ATRNL1: variants seen among roughly 807,000 people sequenced by gnomAD.
The protein encoded by ATRNL1 is attractin like 1.
Under a neutral mutation model 182.7 loss-of-function variants are expected in ATRNL1, and 95 were observed. The observed-to-expected ratio is 0.52, with a 90% CI of 0.44 to 0.62. ATRNL1 has a LOEUF of 0.62. ATRNL1 is among the 20% of genes least tolerant of loss of function. The pLI, the probability that ATRNL1 is intolerant of heterozygous loss-of-function variation, is 0.00. For missense variants in ATRNL1, 1,471 were observed against 1,679.5 expected (o/e 0.88, Z 2.17); for synonymous variants, 576 against 568.3 (o/e 1.01, Z -0.19).
In ATRNL1 at chr10:115,630,827, TACACACACACACACACAC is replaced by T. The variant is rs199640218; in HGVS notation, c.3795+81321_3795+81338del. Among the ~76,000 whole-genome samples, 120 of 129,840 alleles carry T rather than the reference TACACACACACACACACAC, an allele frequency of 9.2e-4. 1 individual carries two copies. Among genetic ancestry groups the T allele is most frequent in the Admixed American group, 2.8e-3 (35 of 12,388 alleles). 85.2% of individuals were successfully genotyped at this position (129,840 alleles called of 152,430 possible). On this transcript the variant is annotated intron_variant, in intron 26 of 28. Coordinates refer to ENST00000355044, the MANE Select transcript of ATRNL1 (RefSeq NM_207303.4). ...TAATAGATATATAATATATGTATTA[TACACACACACACACACAC>T]ACACACACACACACACACACACACA...
chr10:115,254,456 G>A (rs1554906215), intron 10 of ATRNL1, among the ~76,000 whole-genome samples: 2 of 151,658 alleles, frequency 1.3e-5, no homozygotes, highest in African/African-American at 4.9e-5. Flanking sequence ...GTCTGTTCAT[G>A]TCCTTTGCCC....
Position 115,403,010 on chromosome 10 carries a change from C to G in ATRNL1, c.3269+8258C>G, listed in dbSNP as rs544729328. ...ATCTTCCTGAACATTTTTTTTCCTC[C>G]TTGGCTTACCTTTAGGCCAGTAATA... On this transcript the variant is annotated intron_variant, in intron 20 of 28. Coordinates refer to ENST00000355044, the MANE Select transcript of ATRNL1 (RefSeq NM_207303.4). Among the ~76,000 whole-genome samples the G allele has an allele frequency of 1.9e-4, 29 of 152,170 alleles. No individual in the cohort carries two copies. In the South Asian group the frequency reaches 3.7e-3, roughly 20 times the overall value.
At chr10:115,225,217 T>C (rs976477667) in intron 9 of ATRNL1, among the ~76,000 whole-genome samples, 4 of 151,816 alleles carry the variant, frequency 2.6e-5, no homozygotes, top group Admixed American at 6.6e-5. Context: ...GAAGTAATGG[T>C]CTATAATCTT....
chr10:115,212,034 T>A (rs1462821543), intron 8 of ATRNL1, among the ~76,000 whole-genome samples: 1 of 151,852 alleles, frequency 6.6e-6, no homozygotes, highest in East Asian at 1.9e-4. Context: ...TAATTTTAAC[T>A]TTTATTTTAG....
At chr10:115,252,926 C>G (rs1191496009) in intron 10 of ATRNL1, among the ~76,000 whole-genome samples, 1 of 152,178 alleles carries the variant, frequency 6.6e-6, no homozygotes, top group Non-Finnish European at 1.5e-5. Context: ...TAAGTTTTTG[C>G]AGTTGCTTAA....
intron 26 of ATRNL1, among the ~76,000 whole-genome samples, chr10:115,682,566 AG>A (rs1946082148): frequency 6.6e-6 from 1 of 152,102 alleles, no homozygotes; most frequent in African/African-American, 2.4e-5. Context: ...ACAAACAAAA[AG>A]GAATATGTAC....
intron 26 of ATRNL1, among the ~76,000 whole-genome samples, chr10:115,589,738 C>A (rs1855792410): frequency 6.6e-6 from 1 of 152,094 alleles, no homozygotes; most frequent in Non-Finnish European, 1.5e-5. Context: ...TTGCTTTGAT[C>A]TAAAATTATT....
intron 26 of ATRNL1, among the ~76,000 whole-genome samples, chr10:115,717,230 T>C (rs782117923): frequency 1.3e-5 from 2 of 152,198 alleles, no homozygotes; most frequent in Non-Finnish European, 2.9e-5. Flanking sequence ...TACTTGAGGA[T>C]GGTAAAGCCT....
At chr10:115,932,839 T>G (rs1172343729) in intron 28 of ATRNL1, among the ~76,000 whole-genome samples, 1 of 152,212 alleles carries the variant, frequency 6.6e-6, no homozygotes, top group African/African-American at 2.4e-5. Context: ...ATCTGTGCTA[T>G]GTAATATTAT....
intron 10 of ATRNL1, among the ~76,000 whole-genome samples, 194 bp downstream of exon 10, chr10:115,241,919 A>G (rs1323763233): frequency 2.6e-5 from 4 of 152,098 alleles, no homozygotes; most frequent in Non-Finnish European, 5.9e-5. Flanking sequence ...TACTGAGCAG[A>G]AGTAGTGGTA....
chr10:115,527,105 T>C (rs905118548), intron 25 of ATRNL1, among the ~76,000 whole-genome samples: 8 of 143,760 alleles, frequency 5.6e-5, no homozygotes, highest in African/African-American at 2.1e-4. Context: ...CCATCAGGGA[T>C]CAGAGAGGCA....
chr10:115,555,293 T>C (rs1853247670), intron 26 of ATRNL1, among the ~76,000 whole-genome samples: 1 of 151,838 alleles, frequency 6.6e-6, no homozygotes, highest in South Asian at 2.1e-4. Flanking sequence ...AGATGTTTAC[T>C]CCGTATATTA....
At position 115,312,069 on chromosome 10, in the gene ATRNL1, A is replaced by G. The variant is rs1437755527; in HGVS notation, c.2819-3449A>G. The stretch of plus-strand genomic sequence containing the variant: ...GGTTTTTCATCCATTCTACCAGTCT[A>G]TGTCTTTTATGTGGAGCATTTATAC... On this transcript the variant is annotated intron_variant, in intron 17 of 28. Coordinates refer to ENST00000355044, the MANE Select transcript of ATRNL1 (RefSeq NM_207303.4). 2.6e-5 allele frequency among the ~76,000 whole-genome samples: 4 copies of G among 151,894 alleles called. 1 individual carries two copies. The highest frequency in any genetic ancestry group is 4.1e-4 in the South Asian group (2 of 4,826).
chr10:115,121,869 A>G, intron 3 of ATRNL1, 57 bp downstream of exon 3: 1 of 757,964 alleles, frequency 1.3e-6, no homozygotes, highest in South Asian at 1.8e-5. Context: ...GCTTCTTTAA[A>G]TATATATTGA....
At chr10:115,276,502 G>A (rs561869150) in intron 13 of ATRNL1, among the ~76,000 whole-genome samples, 1 of 152,276 alleles carries the variant, frequency 6.6e-6, no homozygotes, top group South Asian at 2.1e-4. Flanking sequence ...TAAGAGAGCA[G>A]ATGGTACTCA....
intron 26 of ATRNL1, among the ~76,000 whole-genome samples, chr10:115,572,093 G>A (rs1854426859): frequency 6.6e-6 from 1 of 152,078 alleles, no homozygotes; most frequent in Non-Finnish European, 1.5e-5. Flanking sequence ...GGTTTTGGGG[G>A]TGATGGAAAT....
At chr10:115,667,216 G>T (rs1337101305) in intron 26 of ATRNL1, among the ~76,000 whole-genome samples, 7 of 152,004 alleles carry the variant, frequency 4.6e-5, no homozygotes, top group Non-Finnish European at 5.9e-5. Context: ...TCAGGATATT[G>T]TCTCCCACTC....
chr10:115,508,723 T>C (rs916092609), intron 24 of ATRNL1, among the ~76,000 whole-genome samples: 6 of 152,000 alleles, frequency 3.9e-5, no homozygotes, highest in Admixed American at 1.3e-4. Flanking sequence ...GTGAGGAAGA[T>C]GCAGAAGAAA....
rs115546648 is a variant in ATRNL1 at position 115,921,948 on chromosome 10, T to C, written c.4019-22710T>C. On this transcript the variant is annotated intron_variant, in intron 28 of 28. Coordinates refer to ENST00000355044, the MANE Select transcript of ATRNL1 (RefSeq NM_207303.4). The stretch of plus-strand genomic sequence containing the variant: ...TATTTCAAACCTATGACTGAAAATG[T>C]TTCTTAAACATTAGTCAGCTTCCCT... 9.6e-3 allele frequency among the ~76,000 whole-genome samples: 1,466 copies of C among 152,280 alleles called. 21 individuals carry two copies. Among genetic ancestry groups the C allele is most frequent in the African/African-American group, 0.034 (1,411 of 41,540 alleles).
Sources: gnomAD v4.1 joint callset for allele counts (sites outside exome capture counted in the v4.1 genomes callset) on GRCh38, gnomAD v4.1.1 for gene constraint, MANE v1.5 for transcripts, NCBI Gene and HGNC (gene_info 2026-07-23, HGNC 2026-07-21) for gene names.